RSU1: variants seen among roughly 807,000 people sequenced by gnomAD.
RSU1 encodes the protein Ras suppressor protein 1.
A neutral mutation model predicts 31.1 loss-of-function variants in RSU1; 26 were observed. The observed-to-expected ratio is 0.84, with a 90% CI of 0.61 to 1.16. The LOEUF (loss-of-function observed/expected upper bound fraction) is 1.16, where lower values mean the gene tolerates loss of function less well. Ranked by LOEUF, RSU1 falls within the 50% of genes most tolerant of loss-of-function variation. The pLI is 0.00. For missense variants in RSU1, 320 were observed against 339.1 expected (o/e 0.94, Z 0.44); for synonymous variants, 164 against 136.3 (o/e 1.20, Z -1.41).
intron 4 of RSU1, among the ~76,000 whole-genome samples, chr10:16,760,776 C>G (rs182003952): frequency 3.2e-4 from 49 of 152,158 alleles, no homozygotes; most frequent in South Asian, 8.3e-4. Flanking sequence ...TCCTAGTTCA[C>G]CTGGGACATG....
rs578069434 is a variant in RSU1, at chr10:16,647,232, A to G, written c.731+47791T>C. Among the ~76,000 whole-genome samples, 22 of 152,252 alleles carry G rather than the reference A, an allele frequency of 1.4e-4. No individual in the cohort carries two copies. In the South Asian group the frequency reaches 4.6e-3, roughly 32 times the overall value. ...CGTGATCTACACGCCTCGGCCTCCC[A>G]AAGTGTTGGGATTACTGGTGTGAGC... On this transcript the variant is annotated intron_variant, in intron 8 of 8. Transcript: ENST00000345264.
chr10:16,746,779 C>T (rs965376040), intron 7 of RSU1, among the ~76,000 whole-genome samples: 2 of 147,994 alleles, frequency 1.4e-5, no homozygotes, highest in African/African-American at 5.0e-5. Context: ...ATCCTCTCTA[C>T]TAATTAATTC....
chr10:16,739,466 C>CTTTTTTTTT (rs35664560), intron 7 of RSU1, among the ~76,000 whole-genome samples: 1 of 94,240 alleles, frequency 1.1e-5, no homozygotes, highest in East Asian at 3.4e-4. Flanking sequence ...CATTTTCTTC[C>CTTTTTTTTT]TTTTTTTTTT....
intron 7 of RSU1, among the ~76,000 whole-genome samples, chr10:16,735,448 T>C (rs932906545): frequency 3.9e-5 from 6 of 152,200 alleles, no homozygotes; most frequent in African/African-American, 1.4e-4. Context: ...ACATTGGCAG[T>C]TATCAAAAAT....
intron 7 of RSU1, among the ~76,000 whole-genome samples, chr10:16,750,706 A>T (rs902935982): frequency 8.1e-4 from 124 of 152,278 alleles, no homozygotes; most frequent in African/African-American, 2.9e-3. Context: ...CAGAGGCATT[A>T]AGTGAGCTTT....
chr10:16,788,592 T>C (rs1360906306), intron 2 of RSU1, among the ~76,000 whole-genome samples: 1 of 152,166 alleles, frequency 6.6e-6, no homozygotes, highest in East Asian at 1.9e-4. Context: ...AAACCACGAA[T>C]AAAAAACTTC....
chr10:16,799,810 A>T (rs1258216371), intron 2 of RSU1, among the ~76,000 whole-genome samples: 2 of 152,118 alleles, frequency 1.3e-5, no homozygotes, highest in Non-Finnish European at 2.9e-5. Context: ...GCCCGCTCAC[A>T]CCTTCCTGTC....
chr10:16,814,468 AG>A (rs1319360212), intron 2 of RSU1, among the ~76,000 whole-genome samples: 5 of 145,360 alleles, frequency 3.4e-5, no homozygotes, highest in South Asian at 2.2e-4. Context: ...AAAAAAAAAA[AG>A]AAAAAAAAAT....
Position 16,592,266 on chromosome 10 carries a change from G to T in RSU1, c.*1128C>A, listed in dbSNP as rs1242841562. The T allele has an allele frequency of 6.6e-6, 1 of 152,168 alleles. No individual in the cohort carries two copies. The highest frequency in any genetic ancestry group is 2.4e-5 in the African/African-American group (1 of 41,434). The allele number at this position is 152,168 out of a possible 1,614,324, so 9.4% of individuals were successfully genotyped here. On this transcript the variant is annotated 3_prime_UTR_variant, in exon 9 of 9. Coordinates refer to ENST00000345264, the MANE Select transcript of RSU1 (RefSeq NM_012425.4). ...CTCTCCCAGGCCATTTGAAAAGACG[G>T]TGCATCTTCACATACCATTTTTTTT...
Position 16,802,728 on chromosome 10 carries a change from G to T in RSU1, c.109+14245C>A, listed in dbSNP as rs181864407. Among the ~76,000 whole-genome samples, 950 of 152,158 alleles carry T rather than the reference G, an allele frequency of 6.2e-3. 8 individuals carry two copies. The highest frequency in any genetic ancestry group is 0.021 in the African/African-American group (852 of 41,540). ...AACTTACTCCAGGTATGCAAAGGTG[G>T]TTCAAATTCAAAAACAAAAGCAATC... On this transcript the variant is annotated intron_variant, in intron 2 of 8. Transcript: ENST00000345264.
intron 8 of RSU1, among the ~76,000 whole-genome samples, chr10:16,687,742 T>C (rs984798634): frequency 7.2e-5 from 11 of 152,206 alleles, no homozygotes; most frequent in African/African-American, 2.2e-4. Context: ...TATTTTGAGA[T>C]AGGGTCTCAC....
At chr10:16,795,137 T>C (rs1838001607) in intron 2 of RSU1, among the ~76,000 whole-genome samples, 2 of 152,136 alleles carry the variant, frequency 1.3e-5, no homozygotes, top group Admixed American at 1.3e-4. Flanking sequence ...GCAGATCACC[T>C]GAGGTCAGGA....
chr10:16,714,130 G>A (rs1009853546), intron 7 of RSU1, among the ~76,000 whole-genome samples: 1 of 152,192 alleles, frequency 6.6e-6, no homozygotes, highest in Admixed American at 6.5e-5. Flanking sequence ...GCCACCACTA[G>A]TCTGGCTGTT....
rs147764350 is a variant in RSU1, at chr10:16,701,073, G to A, written c.599-5918C>T. ...TTAATGTTGGTTTTCTCAAATTAAG[G>A]TAGGGCAGGAGGTTGAACTGGCAGA... On this transcript the variant is annotated intron_variant, in intron 7 of 8. Transcript: ENST00000345264. Among the ~76,000 whole-genome samples the A allele has an allele frequency of 1.6e-4, 24 of 152,250 alleles. No individual in the cohort carries two copies. In the East Asian group the frequency reaches 4.4e-3, roughly 28 times the overall value.
intron 2 of RSU1, among the ~76,000 whole-genome samples, chr10:16,794,528 G>A (rs1016197741): frequency 1.3e-5 from 2 of 152,180 alleles, no homozygotes; most frequent in Non-Finnish European, 2.9e-5. Flanking sequence ...CAAAACTTAT[G>A]CAGTTTTAGA....
At chr10:16,713,870 T>G (rs570072589) in intron 7 of RSU1, among the ~76,000 whole-genome samples, 113 of 152,218 alleles carry the variant, frequency 7.4e-4, no homozygotes, top group African/African-American at 2.5e-3. Flanking sequence ...GGTCCCAAGG[T>G]GTCATTTGAG....
chr10:16,716,401 T>A (rs76674985), intron 7 of RSU1, among the ~76,000 whole-genome samples: 1,913 of 152,288 alleles, frequency 0.013, 47 homozygotes, highest in African/African-American at 0.043. Context: ...CATGACTCAC[T>A]TTTCACAATG....
chr10:16,654,361 CA>C (rs536600415), intron 8 of RSU1, among the ~76,000 whole-genome samples: 5,159 of 92,176 alleles, frequency 0.056, 228 homozygotes, highest in African/African-American at 0.16. Context: ...CCTAAATTTG[CA>C]AAAAAAAAAA....
At chr10:16,667,140 G>A (rs560665021) in intron 8 of RSU1, among the ~76,000 whole-genome samples, 199 of 152,258 alleles carry the variant, frequency 1.3e-3, no homozygotes, top group African/African-American at 4.6e-3. Context: ...GAATAAAACT[G>A]ACACCAAGGA....
Sources: gnomAD v4.1 joint callset for allele counts (sites outside exome capture counted in the v4.1 genomes callset) on GRCh38, gnomAD v4.1.1 for gene constraint, MANE v1.5 for transcripts, NCBI Gene and HGNC (gene_info 2026-07-23, HGNC 2026-07-21) for gene names.